SNX9: variants seen among roughly 807,000 people sequenced by gnomAD.
SNX9 encodes sorting nexin-9.
A neutral mutation model predicts 89.4 loss-of-function variants in SNX9; 44 were observed. That is an observed-to-expected ratio of 0.49 (90% confidence interval 0.39 to 0.63). The LOEUF is 0.63. Ranked by LOEUF, SNX9 falls within the 30% of genes least tolerant of loss-of-function variation. The pLI is 0.00. For missense variants in SNX9, 578 were observed against 736.1 expected (o/e 0.79, Z 2.49); for synonymous variants, 236 against 247.8 (o/e 0.95, Z 0.45).
chr6:157,837,485 C>G (rs1781609299), intron 1 of SNX9, among the ~76,000 whole-genome samples: 1 of 152,100 alleles, frequency 6.6e-6, no homozygotes, highest in South Asian at 2.1e-4. Flanking sequence ...ATAATACATG[C>G]CTTTGTGTAA....
chr6:157,936,813 G>A (rs1783935048), intron 14 of SNX9, among the ~76,000 whole-genome samples: 1 of 152,104 alleles, frequency 6.6e-6, no homozygotes, highest in African/African-American at 2.4e-5. Flanking sequence ...AGTTTCAGGG[G>A]CTTTTTAGAT....
intron 9 of SNX9, 126 bp downstream of exon 9, chr6:157,910,151 A>G (rs1783309148): frequency 2.7e-6 from 2 of 738,418 alleles, no homozygotes; most frequent in East Asian, 2.6e-5. Flanking sequence ...TGGAAACAGT[A>G]ATTAAATACA....
Position 157,942,830 on chromosome 6 carries a change from G to A in SNX9, c.1780G>A (p.Val594Met). 6.2e-7 allele frequency: 1 copy of A among 1,613,992 alleles called. No homozygotes were observed. The highest frequency in any genetic ancestry group is 1.3e-5 in the African/African-American group (1 of 75,040). ...KLRQALSRFP[V>M]M ...GAGGCAGGCCCTCAGCCGCTTTCCA[G>A]TGATGTAGGACAGAACGGGCCTTGA... The change falls in exon 18 of 18, where the codon GTG (valine) becomes ATG (methionine). Residue 594 changes from valine to methionine, a missense_variant. Physicochemically the swap from Val to Met is conservative, Grantham distance 21. This residue lies in a region of SNX9 where 348 missense variants were observed against 491.4 expected (regional missense o/e 0.71). Coordinates refer to ENST00000392185, the MANE Select transcript of SNX9 (RefSeq NM_016224.5).
chr6:157,894,297 A>G (rs1415902518), intron 4 of SNX9, among the ~76,000 whole-genome samples: 59 of 150,264 alleles, frequency 3.9e-4, no homozygotes, highest in African/African-American at 1.0e-3. Flanking sequence ...TTTAGTAGAG[A>G]TGGGGTTTCA....
intron 1 of SNX9, among the ~76,000 whole-genome samples, chr6:157,840,488 CTTTCTT>C (rs1781684175): frequency 6.7e-6 from 1 of 150,208 alleles, no homozygotes; most frequent in Non-Finnish European, 1.5e-5. Context: ...CTCTCTCTCT[CTTTCTT>C]TCTCTTTCTT....
At chr6:157,878,431 A>T (rs3838667) in intron 4 of SNX9, among the ~76,000 whole-genome samples, 34,210 of 131,234 alleles carry the variant, frequency 0.26, 4,866 homozygotes, top group African/African-American at 0.44. Flanking sequence ...GAAGCCCACC[A>T]TTTTTTTTTT....
At chr6:157,910,165 A>G (rs190173108) in intron 9 of SNX9, 140 bp downstream of exon 9, 11 of 688,552 alleles carry the variant, frequency 1.6e-5, no homozygotes, top group Non-Finnish European at 1.5e-5. Flanking sequence ...AAATACAGCT[A>G]TGAAGAGAGA....
chr6:157,845,006 A>T lies in SNX9; in HGVS notation c.12+21560A>T, dbSNP rs186755642. Among the ~76,000 whole-genome samples, 17 of 152,204 alleles carry T rather than the reference A, an allele frequency of 1.1e-4. No homozygotes were observed. The East Asian group carries it at 2.9e-3, about 26-fold the overall frequency. ...TGGAAGTTAGAAGCAAGATGGAGTC[A>T]ATTAAGTTAGATCTCCTTCATTGTC... On this transcript the variant is annotated intron_variant, in intron 1 of 17. Transcript: ENST00000392185.
In SNX9 at chr6:157,823,351, CTTGCCT is replaced by C; in HGVS notation, c.-77_-72del. On this transcript the variant is annotated 5_prime_UTR_variant, in exon 1 of 18. Transcript: ENST00000392185. This position sits in a 1 kb window ranked among gnomAD's most constrained non-coding sequence, Gnocchi z 4.6. ...CCCAGCCGGAGCCGCCGCCCTCGCC[CTTGCCT>C]TTGCCTGCGCGGCTCAGAATCACCA... The C allele has an allele frequency of 1.6e-6, 2 of 1,224,530 alleles. No individual in the cohort carries two copies. Among genetic ancestry groups the C allele is most frequent in the South Asian group, 2.1e-5 (1 of 48,740 alleles). The allele number at this position is 1,224,530 out of a possible 1,614,324, so 75.9% of individuals were successfully genotyped here.
rs147358139 is a variant in SNX9 at position 157,897,440 on chromosome 6, C to T, written c.472+442C>T. On this transcript the variant is annotated intron_variant, in intron 5 of 17. Coordinates refer to ENST00000392185, the MANE Select transcript of SNX9 (RefSeq NM_016224.5). ...CAGGTGCCCCTACATGTTCAGCACC[C>T]CAGAATCTCTTTTCCTGTAGCTCAA... Among the ~76,000 whole-genome samples, 439 of 152,274 alleles carry T rather than the reference C, an allele frequency of 2.9e-3. 1 individual carries two copies. Among genetic ancestry groups the T allele is most frequent in the Non-Finnish European group, 4.2e-3 (287 of 68,016 alleles).
intron 1 of SNX9, among the ~76,000 whole-genome samples, chr6:157,866,846 TGA>T (rs1045423295): frequency 6.6e-6 from 1 of 152,240 alleles, no homozygotes; most frequent in African/African-American, 2.4e-5. Context: ...CTTCAGTTTC[TGA>T]GAGTCAGTGT....
intron 9 of SNX9, among the ~76,000 whole-genome samples, chr6:157,915,670 CAA>C (rs1374589310): frequency 4.3e-5 from 5 of 116,244 alleles, no homozygotes; most frequent in Admixed American, 1.7e-4. Flanking sequence ...CACACACACA[CAA>C]AAATTAGCCA....
chr6:157,893,478 T>C (rs111559839), intron 4 of SNX9, among the ~76,000 whole-genome samples: 4,247 of 152,176 alleles, frequency 0.028, 136 homozygotes, highest in African/African-American at 0.077. Flanking sequence ...GTCTGCCCCA[T>C]GTGTCGGTTG....
At chr6:157,897,244 TG>T (rs1466614237) in intron 5 of SNX9, among the ~76,000 whole-genome samples, 1 of 152,136 alleles carries the variant, frequency 6.6e-6, no homozygotes, top group African/African-American at 2.4e-5. Flanking sequence ...ACTCCCACCT[TG>T]GGTTCAATTA....
At chr6:157,849,554 G>C (rs1037071032) in intron 1 of SNX9, among the ~76,000 whole-genome samples, 1 of 152,224 alleles carries the variant, frequency 6.6e-6, no homozygotes, top group African/African-American at 2.4e-5. Context: ...GCAGAGGCTG[G>C]AGGAGGCTTT....
At chr6:157,885,859 G>A (rs1354828310) in intron 4 of SNX9, among the ~76,000 whole-genome samples, 1 of 152,232 alleles carries the variant, frequency 6.6e-6, no homozygotes, top group Admixed American at 6.5e-5. Flanking sequence ...CTGCTGGAAG[G>A]AATTAGGTGG....
At chr6:157,890,467 C>T (rs78503206) in intron 4 of SNX9, among the ~76,000 whole-genome samples, 9,340 of 152,196 alleles carry the variant, frequency 0.061, 314 homozygotes, top group South Asian at 0.1. Context: ...AAATTTAGAA[C>T]GTTAAACCAG....
intron 5 of SNX9, among the ~76,000 whole-genome samples, chr6:157,899,833 A>G (rs1412201723): frequency 1.3e-5 from 2 of 152,154 alleles, no homozygotes; most frequent in Non-Finnish European, 1.5e-5. Flanking sequence ...ACATGTATAT[A>G]CTGAAATCAT....
intron 6 of SNX9, among the ~76,000 whole-genome samples, chr6:157,905,606 G>A (rs1039579577): frequency 3.0e-5 from 4 of 132,616 alleles, no homozygotes; most frequent in Non-Finnish European, 6.1e-5. Flanking sequence ...CTTGTTTTCC[G>A]CTGTCATGAA....
Sources: gnomAD v4.1 joint callset for allele counts (sites outside exome capture counted in the v4.1 genomes callset) on GRCh38, gnomAD v4.1.1 for gene constraint, gnomAD v4.1.1 regional missense constraint, Gnocchi (gnomAD v3.1) non-coding constraint, MANE v1.5 for transcripts, NCBI Gene and HGNC (gene_info 2026-07-23, HGNC 2026-07-21) for gene names.